HDAC9: variants seen among roughly 807,000 people sequenced by gnomAD.
The protein encoded by HDAC9 is MEF-2 interacting transcription repressor (MITR) protein.
A neutral mutation model predicts 139.4 loss-of-function variants in HDAC9; 41 were observed. That is an observed-to-expected ratio of 0.29 (90% CI 0.23 to 0.38). HDAC9 has a LOEUF of 0.38. HDAC9 is among the 10% of genes least tolerant of loss of function. HDAC9 has a pLI of 1.00. For synonymous variants in HDAC9, 517 were observed against 476.2 expected (o/e 1.09, Z -1.12); for missense variants, 1,147 against 1,297.0 (o/e 0.88, Z 1.78).
intron 22 of HDAC9, among the ~76,000 whole-genome samples, chr7:18,880,450 A>G (rs1033937290): frequency 2.6e-5 from 4 of 152,180 alleles, no homozygotes; most frequent in African/African-American, 9.7e-5. Flanking sequence ...AATGTGGTAC[A>G]TATACACCAT....
At chr7:18,584,834 T>C (rs879565219) in intron 2 of HDAC9, among the ~76,000 whole-genome samples, 8 of 152,234 alleles carry the variant, frequency 5.3e-5, no homozygotes, top group Admixed American at 6.5e-5. Context: ...GTTGAAGATA[T>C]CTTCTGACGC....
chr7:18,210,805 A>G (rs926218845), intron 2 of HDAC9, among the ~76,000 whole-genome samples: 10 of 152,220 alleles, frequency 6.6e-5, no homozygotes, highest in African/African-American at 2.4e-4. Flanking sequence ...CCTTTTATTT[A>G]TAGCCAAGTT....
intron 2 of HDAC9, among the ~76,000 whole-genome samples, chr7:18,536,377 C>G (rs1048443732): frequency 1.3e-5 from 2 of 151,990 alleles, no homozygotes; most frequent in Non-Finnish European, 2.9e-5. Flanking sequence ...CAAATTTGAA[C>G]TAAAATTTGT....
intron 6 of HDAC9, among the ~76,000 whole-genome samples, chr7:18,627,729 A>G (rs1842081645): frequency 6.6e-6 from 1 of 152,096 alleles, no homozygotes; most frequent in Non-Finnish European, 1.5e-5. Context: ...TCAGATCTCT[A>G]TCACTTTGAG....
At chr7:18,129,962 A>G (rs1002894647) in intron 1 of HDAC9, among the ~76,000 whole-genome samples, 3 of 152,066 alleles carry the variant, frequency 2.0e-5, no homozygotes, top group African/African-American at 4.8e-5. Flanking sequence ...ACTGAAGCTA[A>G]GAGAGATCTA....
chr7:18,183,213 GT>G (rs1789625620), intron 2 of HDAC9, among the ~76,000 whole-genome samples: 1 of 152,032 alleles, frequency 6.6e-6, no homozygotes, highest in Non-Finnish European at 1.5e-5. Context: ...GTTTCACCGT[GT>G]TAGCCAGGAT....
At chr7:18,174,235 C>A (rs1253614839) in intron 2 of HDAC9, among the ~76,000 whole-genome samples, 1 of 152,130 alleles carries the variant, frequency 6.6e-6, no homozygotes, top group Non-Finnish European at 1.5e-5. Flanking sequence ...TCCACTTGAT[C>A]GAATCGGCTA....
intron 11 of HDAC9, among the ~76,000 whole-genome samples, chr7:18,657,267 G>A (rs137866633): frequency 5.3e-5 from 8 of 152,030 alleles, no homozygotes; most frequent in Admixed American, 3.3e-4. Context: ...GTTGGTCACT[G>A]TGTTTAATTG....
intron 22 of HDAC9, among the ~76,000 whole-genome samples, chr7:18,926,975 C>T (rs919614636): frequency 1.3e-5 from 2 of 152,084 alleles, no homozygotes; most frequent in African/African-American, 4.8e-5. Context: ...CTCCATATTT[C>T]TTATAAAATT....
intron 21 of HDAC9, 80 bp downstream of exon 21, chr7:18,836,077 T>G: frequency 1.4e-6 from 1 of 732,232 alleles, no homozygotes; most frequent in Non-Finnish European, 2.3e-6. Context: ...GGAAGAGAAA[T>G]GTAAATGTCT....
At chr7:18,695,548 CAT>C (rs1466352494) in intron 12 of HDAC9, among the ~76,000 whole-genome samples, 6 of 152,138 alleles carry the variant, frequency 3.9e-5, no homozygotes, top group Admixed American at 1.3e-4. Context: ...AGCAAGAAAT[CAT>C]TAAAGAATGA....
intron 5 of HDAC9, among the ~76,000 whole-genome samples, chr7:18,592,227 A>C (rs1042441611): frequency 6.6e-6 from 1 of 152,092 alleles, no homozygotes; most frequent in African/African-American, 2.4e-5. Context: ...TCTTCAGTGA[A>C]TAGTTTACCC....
intron 11 of HDAC9, among the ~76,000 whole-genome samples, chr7:18,653,270 T>A (rs1584630036): frequency 1.4e-5 from 2 of 146,654 alleles, no homozygotes; most frequent in Admixed American, 6.8e-5. Flanking sequence ...AGTAATACAG[T>A]GTGTTAAGTA....
chr7:18,506,783 A>G (rs1232538206), intron 2 of HDAC9, among the ~76,000 whole-genome samples: 1 of 152,200 alleles, frequency 6.6e-6, no homozygotes, highest in Non-Finnish European at 1.5e-5. Context: ...TGTCATTATA[A>G]TGCACTATTG....
chr7:18,659,547 G>T (rs548500657), intron 11 of HDAC9, among the ~76,000 whole-genome samples: 18 of 152,246 alleles, frequency 1.2e-4, no homozygotes, highest in Non-Finnish European at 2.1e-4. Context: ...AAGTGTGTGT[G>T]TGTTACAAAC....
At chr7:18,943,005 A>T (rs1244763919) in intron 23 of HDAC9, among the ~76,000 whole-genome samples, 1 of 152,054 alleles carries the variant, frequency 6.6e-6, no homozygotes, top group Non-Finnish European at 1.5e-5. Flanking sequence ...AGAAGAGATT[A>T]AAAAAGCAAA....
intron 24 of HDAC9, among the ~76,000 whole-genome samples, chr7:18,968,111 G>A (rs1210380343): frequency 2.0e-5 from 3 of 152,078 alleles, no homozygotes; most frequent in Non-Finnish European, 4.4e-5. Flanking sequence ...GCAGAGAGCC[G>A]AGATCGCGCC....
chr7:18,356,822 T>C (rs968251809), intron 1 of HDAC9, among the ~76,000 whole-genome samples: 3 of 152,162 alleles, frequency 2.0e-5, no homozygotes, highest in Non-Finnish European at 4.4e-5. Flanking sequence ...CCTCAATGTA[T>C]GAATAACTAG....
chr7:18,108,630 T>C (rs1470025792), intron 1 of HDAC9, among the ~76,000 whole-genome samples: 3 of 149,942 alleles, frequency 2.0e-5, no homozygotes, highest in Non-Finnish European at 4.4e-5. Flanking sequence ...TTTTTTTTTT[T>C]TTGGATATGG....
Sources: gnomAD v4.1 joint callset for allele counts (sites outside exome capture counted in the v4.1 genomes callset) on GRCh38, gnomAD v4.1.1 for gene constraint, MANE v1.5 for transcripts, NCBI Gene and HGNC (gene_info 2026-07-23, HGNC 2026-07-21) for gene names.